TLR2: variants seen among roughly 807,000 people sequenced by gnomAD.
The protein encoded by TLR2 is toll like receptor 2, also known as toll-like receptor 2.
In TLR2, 7 loss-of-function variants were observed where a neutral mutation model predicts 9.1. The ratio of observed to expected loss-of-function variants is 0.77; its 90% CI spans 0.44 to 1.44. The LOEUF (loss-of-function observed/expected upper bound fraction) is 1.44. TLR2 is among the 40% of genes most tolerant of loss of function. TLR2 has a pLI of 0.01. For synonymous variants in TLR2, 317 were observed against 344.6 expected (o/e 0.92, Z 0.89); for missense variants, 812 against 904.6 (o/e 0.90, Z 1.31).
At chr4:153,696,244 G>A (rs1336643267) in intron 2 of TLR2, among the ~76,000 whole-genome samples, 1 of 152,138 alleles carries the variant, frequency 6.6e-6, no homozygotes, top group African/African-American at 2.4e-5. Flanking sequence ...GATAGGAACT[G>A]CATTAAATCT....
intron 2 of TLR2, among the ~76,000 whole-genome samples, chr4:153,694,243 A>G (rs1302684717): frequency 6.6e-6 from 1 of 152,264 alleles, no homozygotes; most frequent in Non-Finnish European, 1.5e-5. Context: ...TTTGTGGCTT[A>G]GGAATGCCTT....
rs1168186434 is a variant in TLR2, at chr4:153,705,763, A to T, written c.*501A>T. ...TATTTTTTATTTTCAAAATTTTTAA[A>T]ACATACTTTTGATCCACAGTTGGTT... On this transcript the variant is annotated 3_prime_UTR_variant, in exon 3 of 3. Coordinates refer to ENST00000642700, the MANE Select transcript of TLR2 (RefSeq NM_001318789.2). The T allele has an allele frequency of 6.0e-6, 1 of 167,058 alleles. No homozygotes were observed. Among genetic ancestry groups the T allele is most frequent in the African/African-American group, 2.4e-5 (1 of 41,440 alleles). The allele number at this position is 167,058 out of a possible 1,614,324, so 10.3% of individuals were successfully genotyped here.
Position 153,705,143 on chromosome 4 carries a change from C to T in TLR2, c.2236C>T (p.Pro746Ser), listed in dbSNP as rs368695448. ...LLEPIEKKAI[P>S]QRFCKLRKIM... ...GGAGCCCATTGAGAAAAAAGCCATT[C>T]CCCAGCGCTTCTGCAAGCTGCGGAA... The change falls in exon 3 of 3, where the codon CCC (proline) becomes TCC (serine). Residue 746 changes from proline to serine, a missense_variant. Physicochemically the swap from Pro to Ser is moderately conservative, Grantham distance 74. Coordinates refer to ENST00000642700, the MANE Select transcript of TLR2 (RefSeq NM_001318789.2). 1.9e-6 allele frequency: 3 copies of T among 1,614,034 alleles called. No homozygotes were observed. In the African/African-American group the frequency reaches 4.0e-5, roughly 22 times the overall value.
chr4:153,688,593 A>G (rs769536860), intron 2 of TLR2: 1 of 152,576 alleles, frequency 6.6e-6, no homozygotes, highest in Non-Finnish European at 1.5e-5. Flanking sequence ...TACAGGAAAC[A>G]AAGGGATGGG....
Position 153,703,798 on chromosome 4 carries a change from A to G in TLR2, c.891A>G (p.Ala297=). The G allele has an allele frequency of 6.2e-7, 1 of 1,613,988 alleles. No individual in the cohort carries two copies. Reference sequence around the variant, plus strand: ...TTAATGGAGTTGGTAATTTTAGAGCATCTGATAATGACAGAGTTATAGATC... The same window carrying G: ...TTAATGGAGTTGGTAATTTTAGAGCGTCTGATAATGACAGAGTTATAGATC... ...CTLNGVGNFR[A]SDNDRVIDPG... The change falls in exon 3 of 3, where the codon GCA becomes GCG. Residue 297 remains alanine (A), a synonymous_variant. Coordinates refer to ENST00000642700, the MANE Select transcript of TLR2 (RefSeq NM_001318789.2).
At chr4:153,696,450 A>T (rs1040957905) in intron 2 of TLR2, among the ~76,000 whole-genome samples, 2 of 152,016 alleles carry the variant, frequency 1.3e-5, no homozygotes, top group African/African-American at 2.4e-5. Context: ...TGGGTATTTT[A>T]TTTGTAGCTG....
rs539578785 is a variant in TLR2 at position 153,703,710 on chromosome 4, A to G, written c.803A>G (p.Gln268Arg). Residue 268 changes from glutamine to arginine, a missense_variant, in exon 3 of 3, where the codon CAG becomes CGG. Gln to Arg is a conservative substitution (Grantham distance 43). Coordinates refer to ENST00000642700, the MANE Select transcript of TLR2 (RefSeq NM_001318789.2). The part of the protein sequence containing the change: ...NVKITDESLF[Q>R]VMKLLNQISG... ...AAAATCACCGATGAAAGTTTGTTTC[A>G]GGTTATGAAACTTTTGAATCAGATT... is the stretch of plus-strand genomic sequence containing the variant. 8 of 1,613,848 alleles carry G rather than the reference A, an allele frequency of 5.0e-6. No individual in the cohort carries two copies. The East Asian group carries it at 8.9e-5, about 18-fold the overall frequency.
intron 2 of TLR2, among the ~76,000 whole-genome samples, chr4:153,699,044 T>C (rs1290316283): frequency 6.6e-6 from 1 of 152,184 alleles, no homozygotes; most frequent in Non-Finnish European, 1.5e-5. Flanking sequence ...TTAGACAGTT[T>C]GTAGACGAAT....
rs115587651 is a variant in TLR2 at position 153,700,656 on chromosome 4, C to T, written c.-16-2236C>T. ...GAAGAAGAACAAGGAGGAAGAAGAA[C>T]GTATTTGAAGAAGAATAAGGAACTC... On this transcript the variant is annotated intron_variant, in intron 2 of 2. Coordinates refer to ENST00000642700, the MANE Select transcript of TLR2 (RefSeq NM_001318789.2). 9.7e-3 allele frequency among the ~76,000 whole-genome samples: 1,476 copies of T among 152,104 alleles called. 17 individuals carry two copies. The highest frequency in any genetic ancestry group is 0.034 in the African/African-American group (1,417 of 41,510).
intron 2 of TLR2, chr4:153,688,767 C>A (rs1735895411): frequency 6.0e-6 from 1 of 167,974 alleles, no homozygotes; most frequent in Admixed American, 5.8e-5. Flanking sequence ...CCACAACCTT[C>A]AGCGTGGGCG....
intron 1 of TLR2, among the ~76,000 whole-genome samples, chr4:153,685,673 A>C (rs540741651): frequency 6.6e-6 from 1 of 152,330 alleles, no homozygotes; most frequent in South Asian, 2.1e-4. Flanking sequence ...AAACTGCCAG[A>C]AGTTGACAGC....
intron 2 of TLR2, among the ~76,000 whole-genome samples, chr4:153,689,909 G>A (rs7695419): frequency 0.015 from 2,279 of 152,280 alleles, 56 homozygotes; most frequent in African/African-American, 0.052. Context: ...TGTTGCTCGT[G>A]ATAGTTTGGG....
rs1736863093 is a variant in TLR2, at chr4:153,701,179, T to G, written c.-16-1713T>G. 3.3e-5 allele frequency among the ~76,000 whole-genome samples: 5 copies of G among 152,212 alleles called. No individual in the cohort carries two copies. In the South Asian group the frequency reaches 1.0e-3, roughly 31 times the overall value. On this transcript the variant is annotated intron_variant, in intron 2 of 2. Coordinates refer to ENST00000642700, the MANE Select transcript of TLR2 (RefSeq NM_001318789.2). ...CTCCAAAATTCATATTGAAACTTAA[T>G]CCCCATTGTAACAGTACTAATCCTA...
chr4:153,705,445 T>C lies in TLR2; in HGVS notation c.*183T>C. The C allele has an allele frequency of 1.6e-6, 1 of 612,736 alleles. No homozygotes were observed. The highest frequency in any genetic ancestry group is 2.6e-6 in the Non-Finnish European group (1 of 384,174). The allele number at this position is 612,736 out of a possible 1,614,324, so 38.0% of individuals were successfully genotyped here. On this transcript the variant is annotated 3_prime_UTR_variant, in exon 3 of 3. Transcript: ENST00000642700. ...TGCTGTTTTATAAACATATGCCAGA[T>C]TTAAAAATTGGTTTTTGGTTTTTCT...
chr4:153,684,813 G>C (rs1319027395), intron 1 of TLR2, among the ~76,000 whole-genome samples: 4 of 150,674 alleles, frequency 2.7e-5, no homozygotes, highest in Non-Finnish European at 5.9e-5. Context: ...GGAGGCCGAG[G>C]GGGGCGGTGG....
At chr4:153,700,489 A>T (rs1736809599) in intron 2 of TLR2, among the ~76,000 whole-genome samples, 1 of 152,220 alleles carries the variant, frequency 6.6e-6, no homozygotes, top group Admixed American at 6.5e-5. Context: ...TACTGTAATG[A>T]TATGAATAGT....
intron 2 of TLR2, among the ~76,000 whole-genome samples, chr4:153,689,444 A>G (rs1261035701): frequency 1.3e-5 from 2 of 152,218 alleles, no homozygotes; most frequent in African/African-American, 4.8e-5. Flanking sequence ...TAAGCTAAAC[A>G]TCCCCTTAGG....
At chr4:153,693,318 T>A (rs934168259) in intron 2 of TLR2, among the ~76,000 whole-genome samples, 1 of 152,254 alleles carries the variant, frequency 6.6e-6, no homozygotes, top group Non-Finnish European at 1.5e-5. Flanking sequence ...CTGTTCCATA[T>A]GGATTAATAG....
chr4:153,698,004 A>G (rs1403767148), intron 2 of TLR2, among the ~76,000 whole-genome samples: 1 of 152,214 alleles, frequency 6.6e-6, no homozygotes, highest in African/African-American at 2.4e-5. Flanking sequence ...TGTCATCTAC[A>G]AAGAGTCACT....
Sources: allele counts gnomAD v4.1 joint callset (sites outside exome capture counted in the v4.1 genomes callset), GRCh38; gene constraint gnomAD v4.1.1; transcripts MANE v1.5; gene names NCBI Gene and HGNC (gene_info 2026-07-23, HGNC 2026-07-21).